SAMMSON: variants seen among roughly 807,000 people sequenced by gnomAD.
SAMMSON encodes the protein survival associated mitochondrial melanoma specific oncogenic non-coding RNA, also known as long intergenic non-protein coding RNA 1212.
At chr3:70,240,575 C>A (rs1243242665) in intron 4 of SAMMSON, among the ~76,000 whole-genome samples, 1 of 152,110 alleles carries the variant, frequency 6.6e-6, no homozygotes, top group Non-Finnish European at 1.5e-5. Context: ...ATTCTGACAC[C>A]AGACTGTCTG....
chr3:70,431,454 G>A (rs998837860), intron 2 of SAMMSON, among the ~76,000 whole-genome samples: 36 of 151,872 alleles, frequency 2.4e-4, no homozygotes, highest in Non-Finnish European at 1.5e-5. Flanking sequence ...ACTCTCTCAG[G>A]ATAGGAATCT....
chr3:70,137,833 G>A (rs2067512276), intron 4 of SAMMSON, among the ~76,000 whole-genome samples: 1 of 151,996 alleles, frequency 6.6e-6, no homozygotes, highest in East Asian at 1.9e-4. Flanking sequence ...ATCCAGTATA[G>A]ATTTTACACT....
intron 3 of SAMMSON, among the ~76,000 whole-genome samples, chr3:70,031,528 A>G (rs1433665265): frequency 6.6e-6 from 1 of 152,212 alleles, no homozygotes; most frequent in Non-Finnish European, 1.5e-5. Context: ...TTGTTAAAAC[A>G]GTAAATTTTA....
rs1193636084 is a variant in SAMMSON at position 70,235,912 on chromosome 3, A to G, written n.508-13195A>G. 3.3e-5 allele frequency among the ~76,000 whole-genome samples: 5 copies of G among 152,210 alleles called. No individual in the cohort carries two copies. The East Asian group carries it at 9.6e-4, about 29-fold the overall frequency. ...TTCATATTAGTGGTTCAATGGACGT[A>G]AGCTTCCTATGGGCAGTCACCACGC... On this transcript the variant is annotated intron_variant and non_coding_transcript_variant, in intron 4 of 9. Transcript: ENST00000642114.
chr3:70,249,584 A>T (rs941053491), intron 5 of SAMMSON: 1 of 151,982 alleles, frequency 6.6e-6, no homozygotes, highest in Non-Finnish European at 1.5e-5. Context: ...CTTAAAATAT[A>T]TCATTGCAGG....
In SAMMSON at chr3:70,177,216, G is replaced by T. The variant is rs568008732; in HGVS notation, n.508-71891G>T. ...TTTATCTGCACATTTTTGTTTAAGA[G>T]ATCAGCTTTTACTGGAACAATTTAC... On this transcript the variant is annotated intron_variant and non_coding_transcript_variant, in intron 4 of 9. Coordinates refer to ENST00000642114, the Ensembl canonical transcript of SAMMSON. Among the ~76,000 whole-genome samples, 3 of 152,258 alleles carry T rather than the reference G, an allele frequency of 2.0e-5. No individual in the cohort carries two copies. In the East Asian group the frequency reaches 5.8e-4, roughly 29 times the overall value.
chr3:70,358,501 T>C (rs984216676), intron 9 of SAMMSON, among the ~76,000 whole-genome samples: 2 of 152,108 alleles, frequency 1.3e-5, no homozygotes, highest in Non-Finnish European at 2.9e-5. Context: ...CCTAGTGCAA[T>C]GCTTCTGGTT....
At chr3:70,356,576 C>T (rs1702830880) in intron 8 of SAMMSON, among the ~76,000 whole-genome samples, 1 of 152,164 alleles carries the variant, frequency 6.6e-6, no homozygotes, top group Non-Finnish European at 1.5e-5. Context: ...CAGCTCCTTT[C>T]TCTGGTCTTC....
chr3:70,237,973 T>A (rs1575603960), intron 4 of SAMMSON, among the ~76,000 whole-genome samples: 1 of 135,890 alleles, frequency 7.4e-6, no homozygotes, highest in Non-Finnish European at 1.6e-5. Context: ...ACTAATTGAG[T>A]GGTATCTTTT....
At chr3:70,332,249 G>T (rs1382662529) in intron 7 of SAMMSON, among the ~76,000 whole-genome samples, 1 of 152,270 alleles carries the variant, frequency 6.6e-6, no homozygotes, top group Non-Finnish European at 1.5e-5. Context: ...TCAGATTTGT[G>T]TTTTGTTTTT....
At chr3:70,362,984 G>C (rs1702888162) in intron 9 of SAMMSON, among the ~76,000 whole-genome samples, 1 of 151,878 alleles carries the variant, frequency 6.6e-6, no homozygotes, top group Admixed American at 6.6e-5. Context: ...GGTTGACATT[G>C]CACTCCAAGT....
chr3:70,364,213 A>G (rs1702901144), intron 9 of SAMMSON, among the ~76,000 whole-genome samples: 1 of 151,604 alleles, frequency 6.6e-6, no homozygotes, highest in South Asian at 2.1e-4. Flanking sequence ...TTCCCCAATT[A>G]TCTGTTAGGA....
At chr3:70,276,535 T>C (rs1702028380) in intron 6 of SAMMSON, among the ~76,000 whole-genome samples, 1 of 152,242 alleles carries the variant, frequency 6.6e-6, no homozygotes, top group Non-Finnish European at 1.5e-5. Context: ...CATGTTTATT[T>C]AGTAAATATT....
chr3:70,239,097 A>C (rs1701639895), intron 4 of SAMMSON, among the ~76,000 whole-genome samples: 1 of 152,178 alleles, frequency 6.6e-6, no homozygotes, highest in Non-Finnish European at 1.5e-5. Flanking sequence ...GAATAAAGAA[A>C]CTGAGATGTG....
At chr3:70,194,771 T>A (rs1701159588) in intron 4 of SAMMSON, among the ~76,000 whole-genome samples, 1 of 152,164 alleles carries the variant, frequency 6.6e-6, no homozygotes, top group Non-Finnish European at 1.5e-5. Flanking sequence ...GAATGATAAT[T>A]GAAATATTTA....
At chr3:70,017,622 TG>T (rs1040730990) in intron 3 of SAMMSON, among the ~76,000 whole-genome samples, 7 of 152,152 alleles carry the variant, frequency 4.6e-5, no homozygotes, top group Admixed American at 1.3e-4. Flanking sequence ...AACACTATGT[TG>T]AATAGGAGTG....
intron 7 of SAMMSON, among the ~76,000 whole-genome samples, chr3:70,326,144 CT>C (rs369932258): frequency 2.0e-5 from 3 of 152,134 alleles, no homozygotes; most frequent in African/African-American, 7.2e-5. Flanking sequence ...CCCTCCTTCC[CT>C]CCCTTTCTCC....
intron 4 of SAMMSON, among the ~76,000 whole-genome samples, chr3:70,153,525 A>T (rs1054878944): frequency 2.6e-5 from 4 of 152,010 alleles, no homozygotes; most frequent in African/African-American, 9.7e-5. Flanking sequence ...AAAATTATTG[A>T]AATGTGGCCT....
chr3:70,124,955 A>T, intron 4 of SAMMSON: 1 of 581,932 alleles, frequency 1.7e-6, no homozygotes, highest in Non-Finnish European at 3.1e-6. Context: ...TTTTAAATAT[A>T]CTTTCAAAGC....
Sources: allele counts gnomAD v4.1 joint callset (sites outside exome capture counted in the v4.1 genomes callset), GRCh38; gene constraint gnomAD v4.1.1; transcripts MANE v1.5; gene names NCBI Gene and HGNC (gene_info 2026-07-23, HGNC 2026-07-21).